The following SWAP70 variants were observed in gnomAD, a reference collection of about 807,000 sequenced individuals.
SWAP70 encodes switch-associated protein 70.
Under a neutral mutation model 80.2 loss-of-function variants are expected in SWAP70, and 34 were observed. That is an observed-to-expected ratio of 0.42 (90% confidence interval 0.32 to 0.56). The LOEUF (loss-of-function observed/expected upper bound fraction) is 0.56, where lower values mean the gene tolerates loss of function less well. Among genes scored for constraint, SWAP70 ranks in the 20% least tolerant of loss-of-function variants. The probability of loss-of-function intolerance (pLI) is 0.09; values close to 1 mark genes in which losing one functional copy is unlikely to be tolerated. For synonymous variants in SWAP70, 239 were observed against 238.5 expected (o/e 1.00, Z -0.02); for missense variants, 578 against 690.7 (o/e 0.84, Z 1.83).
intron 1 of SWAP70, 23 bp downstream of exon 1, chr11:9,664,301 C>T: frequency 6.5e-7 from 1 of 1,546,010 alleles, no homozygotes; most frequent in Non-Finnish European, 8.7e-7. Context: ...TGACCCGGCC[C>T]CCCACCCGAC....
intron 6 of SWAP70, among the ~76,000 whole-genome samples, chr11:9,730,327 TAAA>T (rs58068637): frequency 1.9e-3 from 257 of 136,930 alleles, no homozygotes; most frequent in Middle Eastern, 3.6e-3. Context: ...CGTCTCTACT[TAAA>T]AAAAAAAAAA....
At chr11:9,691,535 T>G (rs1473660633) in intron 1 of SWAP70, among the ~76,000 whole-genome samples, 2 of 152,190 alleles carry the variant, frequency 1.3e-5, no homozygotes, top group African/African-American at 2.4e-5. Flanking sequence ...GCTGAAATCT[T>G]GAGTTCAAAT....
intron 1 of SWAP70, among the ~76,000 whole-genome samples, chr11:9,669,701 A>G (rs1850350980): frequency 6.6e-6 from 1 of 152,168 alleles, no homozygotes; most frequent in South Asian, 2.1e-4. Flanking sequence ...AGAGAGAGTT[A>G]TTGCTGGTGA....
intron 3 of SWAP70, chr11:9,720,285 G>C (rs935524404): frequency 1.0e-6 from 1 of 985,432 alleles, no homozygotes. Flanking sequence ...GGAATGCTGA[G>C]CAGATCGAAG....
At chr11:9,703,216 A>G (rs959367883) in intron 2 of SWAP70, among the ~76,000 whole-genome samples, 2 of 152,220 alleles carry the variant, frequency 1.3e-5, no homozygotes, top group African/African-American at 4.8e-5. Context: ...TTCACTTAGC[A>G]TAATGTTTTC....
chr11:9,749,155 T>C lies in SWAP70; in HGVS notation c.1623T>C (p.His541=). 6.2e-7 allele frequency: 1 copy of C among 1,612,262 alleles called. No homozygotes were observed. The highest frequency in any genetic ancestry group is 8.5e-7 in the Non-Finnish European group (1 of 1,178,846). ...TKSWKDKVAH[H]EGLIRLIEPG... is the part of the protein sequence containing the mutation. ...GCTGGAAGGACAAAGTGGCCCATCA[T>C]GAAGGATTAATTCGACTGATAGAAC... The change falls in exon 11 of 12, where the codon CAT becomes CAC. Residue 541 remains histidine, a synonymous_variant. Coordinates refer to ENST00000318950, the MANE Select transcript of SWAP70 (RefSeq NM_015055.4).
intron 1 of SWAP70, among the ~76,000 whole-genome samples, chr11:9,674,142 C>T (rs1227646508): frequency 1.3e-5 from 2 of 152,116 alleles, no homozygotes; most frequent in African/African-American, 2.4e-5. Flanking sequence ...CTCAAGTGAT[C>T]TGCCCACCTC....
At chr11:9,670,300 A>G (rs1166870464) in intron 1 of SWAP70, among the ~76,000 whole-genome samples, 1 of 152,210 alleles carries the variant, frequency 6.6e-6, no homozygotes, top group Non-Finnish European at 1.5e-5. Flanking sequence ...CTCAGATGTC[A>G]ACTACAGTTG....
chr11:9,702,125 C>T (rs1850840781), intron 2 of SWAP70, among the ~76,000 whole-genome samples: 1 of 151,724 alleles, frequency 6.6e-6, no homozygotes, highest in South Asian at 2.1e-4. Flanking sequence ...TTCTGTTTTT[C>T]TAGTCTAATA....
At chr11:9,667,249 TGAGA>T (rs555327465) in intron 1 of SWAP70, among the ~76,000 whole-genome samples, 109 of 151,656 alleles carry the variant, frequency 7.2e-4, no homozygotes, top group African/African-American at 2.2e-3. Flanking sequence ...TGTGTGTGTG[TGAGA>T]GAGAGAGAGA....
At chr11:9,696,756 C>CTTT (rs1425908410) in intron 2 of SWAP70, among the ~76,000 whole-genome samples, 1 of 152,028 alleles carries the variant, frequency 6.6e-6, no homozygotes, top group African/African-American at 2.4e-5. Flanking sequence ...TGAATTCCTC[C>CTTT]TTTTGCCTAT....
At chr11:9,710,206 A>G (rs140022918) in intron 2 of SWAP70, among the ~76,000 whole-genome samples, 2,039 of 152,274 alleles carry the variant, frequency 0.013, 15 homozygotes, top group Non-Finnish European at 0.02. Flanking sequence ...TGATCTCTAA[A>G]ATAGGGGCAA....
intron 1 of SWAP70, among the ~76,000 whole-genome samples, chr11:9,672,022 TATATATTTTAATA>T (rs1383109020): frequency 8.3e-6 from 1 of 120,454 alleles, no homozygotes; most frequent in African/African-American, 3.2e-5. Context: ...ATTTTAATAA[TATATATTTTAATA>T]ATATATTTTA....
rs1851186137 is a variant in SWAP70, at chr11:9,724,810, A to T, written c.567A>T (p.Lys189Asn). 3 of 1,614,106 alleles carry T rather than the reference A, an allele frequency of 1.9e-6. No homozygotes were observed. The highest frequency in any genetic ancestry group is 2.5e-6 in the Non-Finnish European group (3 of 1,179,982). Residue 189 changes from lysine to asparagine, a missense_variant, in exon 4 of 12, where the codon AAA becomes AAT. By Grantham distance (94) the Lys-to-Asn change is moderately conservative. Coordinates refer to ENST00000318950, the MANE Select transcript of SWAP70 (RefSeq NM_015055.4). ...IELIGNGQFS[K>N]GMDRQTVSMA... ...TTATTGGAAATGGACAGTTTAGCAA[A>T]GGCATGGACCGGCAGACTGTGTCTA...
chr11:9,684,379 C>T (rs546257854), intron 1 of SWAP70, among the ~76,000 whole-genome samples: 2 of 152,304 alleles, frequency 1.3e-5, no homozygotes, highest in African/African-American at 4.8e-5. Flanking sequence ...TGCGTCCAGC[C>T]AGATTTGTGG....
intron 4 of SWAP70, chr11:9,725,102 G>T: frequency 2.0e-6 from 1 of 509,582 alleles, no homozygotes; most frequent in Non-Finnish European, 3.4e-6. Context: ...TGGGTTCAAG[G>T]GATTCTCTTG....
chr11:9,745,430 G>T (rs1851500139), intron 9 of SWAP70, among the ~76,000 whole-genome samples: 1 of 152,218 alleles, frequency 6.6e-6, no homozygotes, highest in Non-Finnish European at 1.5e-5. Context: ...AGGCTAGAAT[G>T]ATGATTTTAG....
At chr11:9,737,350 G>C (rs1397350385) in intron 7 of SWAP70, among the ~76,000 whole-genome samples, 1 of 152,162 alleles carries the variant, frequency 6.6e-6, no homozygotes, top group Non-Finnish European at 1.5e-5. Flanking sequence ...AGACCCTCAC[G>C]ATTCTTACTG....
intron 2 of SWAP70, among the ~76,000 whole-genome samples, chr11:9,712,160 G>A (rs949301418): frequency 2.0e-5 from 3 of 152,110 alleles, no homozygotes; most frequent in African/African-American, 7.2e-5. Flanking sequence ...CTCTATTACA[G>A]TACTTGTCAC....
Sources: allele counts gnomAD v4.1 joint callset (sites outside exome capture counted in the v4.1 genomes callset), GRCh38; gene constraint gnomAD v4.1.1; transcripts MANE v1.5; gene names NCBI Gene and HGNC (gene_info 2026-07-23, HGNC 2026-07-21).